Variants in MGMT observed in about 807,000 individuals in gnomAD.
MGMT encodes O-6-methylguanine-DNA methyltransferase.
In MGMT, 14 loss-of-function variants were observed where a neutral mutation model predicts 15.9. That is an observed-to-expected ratio of 0.88 (90% confidence interval 0.58 to 1.37). MGMT has a LOEUF of 1.37. MGMT is among the 40% of genes most tolerant of loss of function. The pLI, the probability that MGMT is intolerant of heterozygous loss-of-function variation, is 0.00. For missense variants in MGMT, 282 were observed against 268.1 expected, an observed-to-expected ratio of 1.05 and a Z score of -0.36; for synonymous variants, 130 against 118.2, an observed-to-expected ratio of 1.10 and a Z score of -0.65.
intron 2 of MGMT, among the ~76,000 whole-genome samples, chr10:129,678,106 A>G (rs1847806335): frequency 6.6e-6 from 1 of 152,008 alleles, no homozygotes; most frequent in Admixed American, 6.5e-5. Flanking sequence ...GTAAAACTGA[A>G]AAGAGGAGGC....
At chr10:129,546,903 A>C (rs1254608126) in intron 2 of MGMT, among the ~76,000 whole-genome samples, 2 of 152,218 alleles carry the variant, frequency 1.3e-5, no homozygotes, top group East Asian at 3.9e-4. Context: ...TCACAAAACA[A>C]ACTGAATCAA....
At chr10:129,517,862 T>C (rs1564840167) in intron 1 of MGMT, among the ~76,000 whole-genome samples, 1 of 152,180 alleles carries the variant, frequency 6.6e-6, no homozygotes, top group African/African-American at 2.4e-5. Context: ...AATGAATGAG[T>C]ATTCTCCTTT....
At chr10:129,545,660 C>T (rs936459243) in intron 2 of MGMT, among the ~76,000 whole-genome samples, 4 of 152,114 alleles carry the variant, frequency 2.6e-5, no homozygotes, top group Admixed American at 6.5e-5. Flanking sequence ...AAAGCACAAC[C>T]GTCTGGCCTC....
chr10:129,576,902 A>C (rs1846490216), intron 2 of MGMT, among the ~76,000 whole-genome samples: 2 of 152,174 alleles, frequency 1.3e-5, no homozygotes, highest in South Asian at 4.1e-4. Context: ...ACAGGCAAAC[A>C]AGAGCCAAAT....
chr10:129,723,052 T>C (rs1467897559), intron 3 of MGMT, among the ~76,000 whole-genome samples: 1 of 148,530 alleles, frequency 6.7e-6, no homozygotes, highest in African/African-American at 2.5e-5. Context: ...CTAATGGTGC[T>C]GAGCAACTGG....
At chr10:129,559,444 A>G (rs961329687) in intron 2 of MGMT, among the ~76,000 whole-genome samples, 3 of 152,152 alleles carry the variant, frequency 2.0e-5, no homozygotes, top group African/African-American at 4.8e-5. Flanking sequence ...TTGAGTCCTT[A>G]AGTAATTTGC....
chr10:129,584,649 C>T (rs1232675131), intron 2 of MGMT, among the ~76,000 whole-genome samples: 2 of 152,098 alleles, frequency 1.3e-5, no homozygotes, highest in Non-Finnish European at 1.5e-5. Context: ...ATTTCCCATC[C>T]CCCTCCCTCT....
At chr10:129,704,267 C>G (rs1366706189) in intron 2 of MGMT, among the ~76,000 whole-genome samples, 1 of 152,090 alleles carries the variant, frequency 6.6e-6, no homozygotes, top group Non-Finnish European at 1.5e-5. Context: ...GACAGCACTC[C>G]CATGCCCTAA....
chr10:129,592,919 A>G (rs1282739520), intron 2 of MGMT, among the ~76,000 whole-genome samples: 2 of 152,210 alleles, frequency 1.3e-5, no homozygotes, highest in African/African-American at 2.4e-5. Context: ...TTCATTTCAA[A>G]CACAGTATCA....
intron 3 of MGMT, among the ~76,000 whole-genome samples, chr10:129,719,605 A>G (rs574613534): frequency 1.3e-5 from 2 of 152,254 alleles, no homozygotes; most frequent in African/African-American, 2.4e-5. Context: ...CTGGGCGTGC[A>G]TCGCTCGGGT....
At chr10:129,492,678 T>A (rs1845481087) in intron 1 of MGMT, among the ~76,000 whole-genome samples, 1 of 152,174 alleles carries the variant, frequency 6.6e-6, no homozygotes, top group East Asian at 1.9e-4. Flanking sequence ...GCACCCAGGA[T>A]CAGCAAGTGT....
intron 2 of MGMT, among the ~76,000 whole-genome samples, chr10:129,671,430 C>CT (rs34055523): frequency 6.4e-4 from 94 of 147,226 alleles, no homozygotes; most frequent in Middle Eastern, 3.5e-3. Context: ...GGCTGGACAT[C>CT]TTTTTTTTTT....
chr10:129,596,760 C>T (rs1348247546), intron 2 of MGMT, among the ~76,000 whole-genome samples: 1 of 152,198 alleles, frequency 6.6e-6, no homozygotes, highest in East Asian at 1.9e-4. Flanking sequence ...CTAGGTCGTG[C>T]TTGCGTTTCA....
At chr10:129,657,030 G>A (rs989314651) in intron 2 of MGMT, among the ~76,000 whole-genome samples, 1 of 152,274 alleles carries the variant, frequency 6.6e-6, no homozygotes, top group Non-Finnish European at 1.5e-5. Context: ...ATGACTGTGA[G>A]TTAGGTGAGC....
At chr10:129,646,657 C>G (rs1336717864) in intron 2 of MGMT, among the ~76,000 whole-genome samples, 1 of 147,292 alleles carries the variant, frequency 6.8e-6, no homozygotes, top group Non-Finnish European at 1.5e-5. Context: ...ACTGGTCTTA[C>G]AGCATTATGG....
rs1318826892 is a variant in MGMT, at chr10:129,659,344, G to A, written c.126-48551G>A. The stretch of plus-strand genomic sequence containing the variant: ...TGCGCTCCAGCCTGGGTGGCAGAGC[G>A]AGACTCCCTGTGTGGAAAAAAAAAA... On this transcript the variant is annotated intron_variant, in intron 2 of 4. Coordinates refer to ENST00000651593, the MANE Select transcript of MGMT (RefSeq NM_002412.5). This position sits in a 1 kb window ranked among gnomAD's most constrained non-coding sequence, Gnocchi z 4.1. 1.4e-5 allele frequency among the ~76,000 whole-genome samples: 2 copies of A among 143,970 alleles called. No homozygotes were observed. The highest frequency in any genetic ancestry group is 2.9e-5 in the African/African-American group (1 of 34,358). 94.4% of individuals were successfully genotyped at this position (143,970 alleles called of 152,430 possible).
At position 129,703,693 on chromosome 10, in the gene MGMT, C is replaced by G. The variant is rs375011262; in HGVS notation, c.126-4202C>G. 4.6e-3 allele frequency among the ~76,000 whole-genome samples: 705 copies of G among 152,212 alleles called. 5 individuals carry two copies. Among genetic ancestry groups the G allele is most frequent in the African/African-American group, 0.017 (688 of 41,526 alleles). On this transcript the variant is annotated intron_variant, in intron 2 of 4. Coordinates refer to ENST00000651593, the MANE Select transcript of MGMT (RefSeq NM_002412.5). Reference sequence around the variant, plus strand: ...CCTCGCCGGGGGGGCACCTTTGCTTCGGAGCCCAAATCCTGCAGCCCCAGG... The same window carrying G: ...CCTCGCCGGGGGGGCACCTTTGCTTGGGAGCCCAAATCCTGCAGCCCCAGG...
At chr10:129,517,662 G>A (rs940468521) in intron 1 of MGMT, among the ~76,000 whole-genome samples, 2 of 152,170 alleles carry the variant, frequency 1.3e-5, no homozygotes, top group African/African-American at 4.8e-5. Context: ...GGCCATGAGC[G>A]AGAGCGCTCG....
At chr10:129,708,072 C>A in intron 3 of MGMT, 29 bp downstream of exon 3, 1 of 1,591,516 alleles carries the variant, frequency 6.3e-7, no homozygotes, top group Non-Finnish European at 8.6e-7. Context: ...TGCGGTGTTT[C>A]CTTTGGGGAG....
Sources: gnomAD v4.1 joint callset for allele counts (sites outside exome capture counted in the v4.1 genomes callset) on GRCh38, gnomAD v4.1.1 for gene constraint, Gnocchi (gnomAD v3.1) non-coding constraint, MANE v1.5 for transcripts, NCBI Gene and HGNC (gene_info 2026-07-23, HGNC 2026-07-21) for gene names.